Variants in ATIC observed in about 807,000 individuals in gnomAD.
ATIC encodes 5-aminoimidazole-4-carboxamide ribonucleotide formyltransferase/IMP cyclohydrolase, also known as bifunctional purine biosynthesis protein ATIC.
ATIC carries 64 observed loss-of-function variants against 72.5 expected under a neutral mutation model. The ratio of observed to expected loss-of-function variants is 0.88; its 90% CI spans 0.72 to 1.09. The LOEUF is 1.09. ATIC is among the 50% of genes least tolerant of loss of function. ATIC has a pLI of 0.00. For missense variants in ATIC, 787 were observed against 732.4 expected (o/e 1.07, Z -0.86); for synonymous variants, 281 against 267.1 (o/e 1.05, Z -0.51).
chr2:215,312,774 AAGTG>A, intron 2 of ATIC, 150 bp downstream of exon 2: 1 of 1,315,590 alleles, frequency 7.6e-7, no homozygotes, highest in South Asian at 1.3e-5. Context: ...TGGGGAAAAA[AAGTG>A]AGGCTCAGAG....
chr2:215,326,419 A>G (rs1464733363), intron 6 of ATIC, among the ~76,000 whole-genome samples: 3 of 152,116 alleles, frequency 2.0e-5, no homozygotes, highest in Non-Finnish European at 4.4e-5. Context: ...AGCCTGGCCA[A>G]TGTGGTGAAA....
intron 7 of ATIC, among the ~76,000 whole-genome samples, chr2:215,329,099 A>G (rs1469733928): frequency 6.6e-6 from 1 of 152,196 alleles, no homozygotes; most frequent in Non-Finnish European, 1.5e-5. Flanking sequence ...TGCTTGGCAC[A>G]TTCCCTAAAT....
At chr2:215,338,501 A>G (rs1406849569) in intron 11 of ATIC, among the ~76,000 whole-genome samples, 1 of 152,218 alleles carries the variant, frequency 6.6e-6, no homozygotes, top group Non-Finnish European at 1.5e-5. Flanking sequence ...AGGTTGTAAA[A>G]TCTATAAAAT....
At chr2:215,330,648 C>G (rs946477855) in intron 7 of ATIC, among the ~76,000 whole-genome samples, 1 of 152,134 alleles carries the variant, frequency 6.6e-6, no homozygotes, top group Non-Finnish European at 1.5e-5. Flanking sequence ...TTGTGCTCCT[C>G]CGCCTCATCC....
chr2:215,357,305 C>G, the ATIC span, among the ~76,000 whole-genome samples: 2 of 152,180 alleles, frequency 1.3e-5, no homozygotes, highest in Non-Finnish European at 2.9e-5. Context: ...CCTAAGGGAG[C>G]CTGCTCTGCT....
chr2:215,312,793 T>G (rs1185747015), intron 2 of ATIC, among the ~76,000 whole-genome samples, 169 bp downstream of exon 2: 2 of 152,094 alleles, frequency 1.3e-5, no homozygotes, highest in Non-Finnish European at 2.9e-5. Flanking sequence ...TCAGAGAGAT[T>G]TAGCAACTTT....
At chr2:215,325,108 G>T in intron 4 of ATIC, 133 bp from the exon 5 acceptor site, 1 of 707,806 alleles carries the variant, frequency 1.4e-6, no homozygotes, top group East Asian at 2.6e-5. Context: ...TAAAATGTCA[G>T]GCTCACAGTT....
intron 7 of ATIC, among the ~76,000 whole-genome samples, chr2:215,328,276 G>T (rs202069297): frequency 0.2 from 30,953 of 151,808 alleles, 3,446 homozygotes; most frequent in East Asian, 0.49. Flanking sequence ...TTTTCTCTCG[G>T]CCTTTCTGGG....
chr2:215,346,950 C>CT lies in ATIC; in HGVS notation c.1503+11dup, dbSNP rs754416920. On this transcript the variant is annotated intron_variant, in intron 14 of 15. Transcript: ENST00000236959. ...CTGGAACCATTGGCGAGGTGAAAGA[C>CT]TTGGCATTGGGTTCTCGGCTGTGTT... is the stretch of plus-strand genomic sequence containing the variant. 48 of 1,613,970 alleles carry CT rather than the reference C, an allele frequency of 3.0e-5. No individual in the cohort carries two copies. The highest frequency in any genetic ancestry group is 3.9e-5 in the Non-Finnish European group (46 of 1,179,972).
chr2:215,361,755 A>G, the ATIC span: 1 of 1,002,014 alleles, frequency 1.0e-6, no homozygotes. Flanking sequence ...CCTAGTTTCA[A>G]GAACCTAGCA....
intron 12 of ATIC, among the ~76,000 whole-genome samples, chr2:215,342,483 A>C (rs1029373127): frequency 1.3e-5 from 2 of 152,180 alleles, no homozygotes; most frequent in Non-Finnish European, 2.9e-5. Flanking sequence ...CAACCATGCC[A>C]TTGACATTGA....
chr2:215,343,340 TTTTTG>T (rs2053039832), intron 12 of ATIC, among the ~76,000 whole-genome samples: 1 of 152,162 alleles, frequency 6.6e-6, no homozygotes, highest in African/African-American at 2.4e-5. Flanking sequence ...TTACTGAGTT[TTTTTG>T]TTTTGTTTTG....
rs766691786 is a variant in ATIC at position 215,333,429 on chromosome 2, C to A, written c.894C>A (p.Pro298=). The A allele has an allele frequency of 6.2e-7, 1 of 1,614,068 alleles. No individual in the cohort carries two copies. The highest frequency in any genetic ancestry group is 1.1e-5 in the South Asian group (1 of 91,084). ...MVYDLYKTLT[P]ISAAYARARG... ...ATGATCTCTATAAAACCCTCACACC[C>A]ATCTCAGCGGCATATGCAAGAGCAA... The change falls in exon 9 of 16, where the codon CCC becomes CCA. Residue 298 remains proline, a synonymous_variant. Coordinates refer to ENST00000236959, the MANE Select transcript of ATIC (RefSeq NM_004044.7).
At chr2:215,336,226 C>A in intron 11 of ATIC, 102 bp downstream of exon 11, 1 of 924,020 alleles carries the variant, frequency 1.1e-6, no homozygotes. Flanking sequence ...TCTAGTTTAT[C>A]CTTATTATAG....
chr2:215,313,879 C>T (rs982698544), intron 2 of ATIC, among the ~76,000 whole-genome samples: 7 of 152,160 alleles, frequency 4.6e-5, no homozygotes, highest in African/African-American at 1.7e-4. Context: ...CTTTGCTCAT[C>T]AGCAACCGAA....
At chr2:215,363,053 A>T in the ATIC span, 2 of 152,158 alleles carry the variant, frequency 1.3e-5, no homozygotes. Context: ...TAGAATTTAA[A>T]TATTTTAGAC....
At chr2:215,355,485 G>A in the ATIC span, among the ~76,000 whole-genome samples, 7 of 152,076 alleles carry the variant, frequency 4.6e-5, no homozygotes, top group East Asian at 1.2e-3. Flanking sequence ...TCTTCCTCCC[G>A]TTGCCTTGCC....
At chr2:215,344,739 A>G in intron 12 of ATIC, 40 bp from the exon 13 acceptor site, 1 of 1,572,224 alleles carries the variant, frequency 6.4e-7, no homozygotes, top group East Asian at 2.2e-5. Flanking sequence ...AAATGAGTTT[A>G]AAAGGCCCCA....
chr2:215,333,575 A>G, intron 9 of ATIC, 118 bp downstream of exon 9: 2 of 693,040 alleles, frequency 2.9e-6, no homozygotes, highest in East Asian at 2.9e-5. Flanking sequence ...TAATATATAG[A>G]TGAAATTAAG....
Sources: allele counts gnomAD v4.1 joint callset (sites outside exome capture counted in the v4.1 genomes callset), GRCh38; gene constraint gnomAD v4.1.1; transcripts MANE v1.5; gene names NCBI Gene and HGNC (gene_info 2026-07-23, HGNC 2026-07-21).